LTBP1: variants seen among roughly 807,000 people sequenced by gnomAD.
The protein encoded by LTBP1 is latent-transforming growth factor beta-binding protein 1.
In LTBP1, 129 loss-of-function variants were observed where a neutral mutation model predicts 207.6. The observed-to-expected ratio is 0.62, with a 90% CI of 0.54 to 0.72. The LOEUF (loss-of-function observed/expected upper bound fraction) is 0.72, where lower values mean the gene tolerates loss of function less well. LTBP1 is among the 30% of genes least tolerant of loss of function. The probability of loss-of-function intolerance (pLI) is 0.00; values close to 1 mark genes in which losing one functional copy is unlikely to be tolerated. For synonymous variants in LTBP1, 963 were observed against 833.7 expected (o/e 1.16, Z -2.67); for missense variants, 2,281 against 2,217.2 (o/e 1.03, Z -0.58).
At chr2:33,321,394 A>G (rs911981851) in intron 24 of LTBP1, among the ~76,000 whole-genome samples, 1 of 152,204 alleles carries the variant, frequency 6.6e-6, no homozygotes, top group East Asian at 1.9e-4. Flanking sequence ...TGATATCACA[A>G]CCGAGAGAAG....
At chr2:33,094,862 T>G (rs2079305694) in intron 3 of LTBP1, among the ~76,000 whole-genome samples, 1 of 152,184 alleles carries the variant, frequency 6.6e-6, no homozygotes, top group Non-Finnish European at 1.5e-5. Context: ...AAAGTTGCAT[T>G]TACCCATTCC....
chr2:33,077,684 C>T (rs544582351), intron 3 of LTBP1, among the ~76,000 whole-genome samples: 9 of 152,204 alleles, frequency 5.9e-5, no homozygotes, highest in African/African-American at 1.7e-4. Context: ...GATTATAATT[C>T]GACGTGAGAT....
chr2:33,211,389 C>T (rs770807870), intron 7 of LTBP1, among the ~76,000 whole-genome samples: 2 of 152,240 alleles, frequency 1.3e-5, no homozygotes, highest in Non-Finnish European at 2.9e-5. Flanking sequence ...ATGCAGGTCA[C>T]ATCCTACAGC....
chr2:33,126,060 T>G (rs1036915941), intron 4 of LTBP1, among the ~76,000 whole-genome samples: 2 of 151,986 alleles, frequency 1.3e-5, no homozygotes, highest in African/African-American at 4.8e-5. Context: ...GGCAGGAGAT[T>G]TCAGTTCTTT....
At chr2:32,985,917 T>G (rs1054471289) in intron 2 of LTBP1, among the ~76,000 whole-genome samples, 6 of 152,032 alleles carry the variant, frequency 3.9e-5, no homozygotes, top group Admixed American at 2.6e-4. Flanking sequence ...GCTTCTTTCC[T>G]CCCTTCTCAC....
intron 4 of LTBP1, among the ~76,000 whole-genome samples, chr2:33,116,815 T>G (rs1335126325): frequency 2.1e-5 from 3 of 144,586 alleles, no homozygotes; most frequent in Non-Finnish European, 4.5e-5. Context: ...AAAAGTGAGG[T>G]CAAGCCCACT....
rs189450480 is a variant in LTBP1 at position 33,179,758 on chromosome 2, A to G, written c.1202-7098A>G. Among the ~76,000 whole-genome samples, 100 of 152,310 alleles carry G rather than the reference A, an allele frequency of 6.6e-4. 1 individual carries two copies. Among genetic ancestry groups the G allele is most frequent in the Admixed American group, 6.3e-3 (96 of 15,306 alleles). On this transcript the variant is annotated intron_variant, in intron 5 of 33. Coordinates refer to ENST00000404816, the MANE Select transcript of LTBP1 (RefSeq NM_206943.4). ...AGTGCACATTGAAAGCGTATCCAAT[A>G]GAAGATCCTGTAGCTATCCTTGTTT...
At chr2:33,017,178 A>G (rs762393602) in intron 2 of LTBP1, among the ~76,000 whole-genome samples, 4 of 152,238 alleles carry the variant, frequency 2.6e-5, no homozygotes, top group Non-Finnish European at 5.9e-5. Context: ...TTGGCAATGT[A>G]TAGATATGGA....
intron 15 of LTBP1, 82 bp from the exon 16 acceptor site, chr2:33,273,574 A>T: frequency 5.4e-6 from 6 of 1,121,462 alleles, no homozygotes; most frequent in Non-Finnish European, 7.4e-6. Flanking sequence ...TGGTCAGGAA[A>T]CTCAAAGTAA....
At chr2:33,081,787 G>GT (rs1203477842) in intron 3 of LTBP1, among the ~76,000 whole-genome samples, 1 of 152,082 alleles carries the variant, frequency 6.6e-6, no homozygotes, top group Non-Finnish European at 1.5e-5. Flanking sequence ...CATGGGGGCG[G>GT]TTACCCTCAT....
At chr2:33,185,979 G>A (rs1054887743) in intron 5 of LTBP1, among the ~76,000 whole-genome samples, 1 of 152,142 alleles carries the variant, frequency 6.6e-6, no homozygotes, top group Non-Finnish European at 1.5e-5. Context: ...TGATAAAGAG[G>A]TTGACCATAA....
In LTBP1 at chr2:33,281,974, A is replaced by G. The variant is rs551176332; in HGVS notation, c.3112+1816A>G. Among the ~76,000 whole-genome samples the G allele has an allele frequency of 3.4e-4, 51 of 151,814 alleles. 1 individual carries two copies. Among genetic ancestry groups the G allele is most frequent in the Admixed American group, 2.3e-3 (35 of 15,226 alleles). On this transcript the variant is annotated intron_variant, in intron 19 of 33. Transcript: ENST00000404816. ...GTGTAAACGCAGCCCTGATTCATGA[A>G]TTTATTAGTGGAATGTGACTGATCA...
chr2:33,172,724 C>A (rs1312019174), intron 5 of LTBP1, among the ~76,000 whole-genome samples: 1 of 152,300 alleles, frequency 6.6e-6, no homozygotes, highest in Non-Finnish European at 1.5e-5. Flanking sequence ...CTGCACAACA[C>A]CTATTCCAAA....
chr2:33,363,469 C>T lies in LTBP1; in HGVS notation c.4350C>T (p.Cys1450=), dbSNP rs770961193. ...TGAACACTCGGCCTGGGTATGAATG[C>T]TACTGTAAGCAAGGGACGTACTATG... is the stretch of plus-strand genomic sequence containing the variant. The part of the protein sequence containing the change: ...FCLNTRPGYE[C]YCKQGTYYDP... Residue 1450 remains cysteine, a synonymous_variant, in exon 29 of 34, where the codon TGC becomes TGT. Transcript: ENST00000404816. 45 of 1,613,836 alleles carry T rather than the reference C, an allele frequency of 2.8e-5. No individual in the cohort carries two copies. The highest frequency in any genetic ancestry group is 3.7e-5 in the Non-Finnish European group (44 of 1,179,814).
Position 33,188,457 on chromosome 2 carries a change from CT to C in LTBP1, c.1427-119del, listed in dbSNP as rs1172772944. 2.1e-5 allele frequency: 11 copies of C among 533,428 alleles called. No individual in the cohort carries two copies. In the African/African-American group the frequency reaches 2.1e-4, roughly 10 times the overall value. 33.0% of individuals were successfully genotyped at this position (533,428 alleles called of 1,614,324 possible). A position where few individuals can be genotyped will look rare whatever the true frequency, so the allele number is the denominator to read the frequency against. On this transcript the variant is annotated intron_variant, in intron 6 of 33. Coordinates refer to ENST00000404816, the MANE Select transcript of LTBP1 (RefSeq NM_206943.4). The stretch of plus-strand genomic sequence containing the variant: ...AAAAAAAAAAAAAGAATTTTGATGG[CT>C]ATGCAGCAAAATGCTACACATGCAT...
intron 4 of LTBP1, among the ~76,000 whole-genome samples, chr2:33,125,220 G>A (rs1035632199): frequency 6.6e-6 from 1 of 152,210 alleles, no homozygotes; most frequent in Admixed American, 6.5e-5. Flanking sequence ...ACAAGGGCTT[G>A]CATTAAAATC....
chr2:33,343,660 C>A (rs1399441195), intron 25 of LTBP1, among the ~76,000 whole-genome samples: 1 of 152,082 alleles, frequency 6.6e-6, no homozygotes, highest in Non-Finnish European at 1.5e-5. Context: ...CTTCAGTGTC[C>A]AGGAATGATA....
intron 4 of LTBP1, among the ~76,000 whole-genome samples, chr2:33,113,601 A>G (rs1248864773): frequency 6.6e-6 from 1 of 152,180 alleles, no homozygotes; most frequent in East Asian, 1.9e-4. Flanking sequence ...TGTACACACT[A>G]CTTTTCCTAA....
chr2:33,067,399 CT>C (rs1366490005), intron 3 of LTBP1, among the ~76,000 whole-genome samples: 1 of 152,322 alleles, frequency 6.6e-6, no homozygotes, highest in East Asian at 1.9e-4. Context: ...TTATACACTT[CT>C]TATGCTGTCA....
Sources: gnomAD v4.1 joint callset for allele counts (sites outside exome capture counted in the v4.1 genomes callset) on GRCh38, gnomAD v4.1.1 for gene constraint, MANE v1.5 for transcripts, NCBI Gene and HGNC (gene_info 2026-07-23, HGNC 2026-07-21) for gene names.